IGSF11: variants seen among roughly 807,000 people sequenced by gnomAD.
IGSF11 encodes immunoglobulin superfamily member 11, also known as CXADR like 1.
In IGSF11, 22 loss-of-function variants were observed where a neutral mutation model predicts 41.0. That is an observed-to-expected ratio of 0.54 (90% confidence interval 0.38 to 0.77). The LOEUF is 0.77. Among genes scored for constraint, IGSF11 ranks in the 30% least tolerant of loss-of-function variants. The pLI, the probability that IGSF11 is intolerant of heterozygous loss-of-function variation, is 0.00. For synonymous variants in IGSF11, 219 were observed against 201.3 expected, an observed-to-expected ratio of 1.09 and a Z score of -0.74; for missense variants, 444 against 530.8, an observed-to-expected ratio of 0.84 and a Z score of 1.61.
chr3:119,099,227 C>A (rs2076903949), intron 1 of IGSF11, among the ~76,000 whole-genome samples: 1 of 152,150 alleles, frequency 6.6e-6, no homozygotes, highest in African/African-American at 2.4e-5. Context: ...TACTGAAGTT[C>A]TGCAGAGGAG....
At chr3:119,105,192 T>TTTA (rs1369036850) in exon 1 of IGSF11, 11 of 1,598,476 alleles carry the variant, frequency 6.9e-6, no homozygotes, top group Admixed American at 1.7e-5. Flanking sequence ...ACCAGAGACA[T>TTTA]TTATTCTTCT....
At chr3:119,133,678 C>T (rs976171097) in intron 1 of IGSF11, among the ~76,000 whole-genome samples, 9 of 152,142 alleles carry the variant, frequency 5.9e-5, no homozygotes, top group Non-Finnish European at 1.2e-4. Context: ...TGAAACTATT[C>T]CAATCAATAG....
chr3:119,034,488 C>T, intron 1 of IGSF11, 43 bp downstream of exon 1: 1 of 1,482,238 alleles, frequency 6.7e-7, no homozygotes, highest in Non-Finnish European at 9.0e-7. Context: ...GGCCCGCCGA[C>T]CCGGCCTGGC....
At chr3:118,984,594 C>A (rs1398886381) in intron 1 of IGSF11, among the ~76,000 whole-genome samples, 1 of 151,980 alleles carries the variant, frequency 6.6e-6, no homozygotes, top group Non-Finnish European at 1.5e-5. Flanking sequence ...GGAGCCAGAA[C>A]AGAATGGCTG....
chr3:119,092,688 C>T (rs2076784624), intron 1 of IGSF11, among the ~76,000 whole-genome samples: 1 of 152,166 alleles, frequency 6.6e-6, no homozygotes, highest in African/African-American at 2.4e-5. Context: ...CCTTCACTTT[C>T]GCTCACTACT....
intron 1 of IGSF11, among the ~76,000 whole-genome samples, chr3:119,132,248 C>T (rs2077491997): frequency 1.3e-5 from 2 of 151,856 alleles, no homozygotes; most frequent in South Asian, 4.2e-4. Flanking sequence ...TTAAAAGACA[C>T]AGACTGGCAA....
intron 1 of IGSF11, among the ~76,000 whole-genome samples, chr3:119,057,069 G>A (rs1941870522): frequency 6.6e-6 from 1 of 152,162 alleles, no homozygotes; most frequent in South Asian, 2.1e-4. Flanking sequence ...GCACAAGACA[G>A]GGAGGCCCTC....
At chr3:119,046,622 C>G (rs1230327353) in intron 1 of IGSF11, among the ~76,000 whole-genome samples, 1 of 151,892 alleles carries the variant, frequency 6.6e-6, no homozygotes, top group Non-Finnish European at 1.5e-5. Context: ...GGCCAACATT[C>G]AGATTCAGGA....
chr3:118,968,188 A>C (rs561572616), intron 1 of IGSF11, among the ~76,000 whole-genome samples: 1 of 152,340 alleles, frequency 6.6e-6, no homozygotes, highest in Non-Finnish European at 1.5e-5. Flanking sequence ...CTGCTTCTGC[A>C]AAATGGGTTT....
chr3:118,969,292 T>C (rs1330581644), intron 1 of IGSF11, among the ~76,000 whole-genome samples: 1 of 152,050 alleles, frequency 6.6e-6, no homozygotes, highest in African/African-American at 2.4e-5. Context: ...AGAAAACTGG[T>C]AAAGAGGTAG....
At chr3:119,129,370 T>A (rs1046385201) in intron 1 of IGSF11, among the ~76,000 whole-genome samples, 2 of 152,110 alleles carry the variant, frequency 1.3e-5, no homozygotes, top group Admixed American at 1.3e-4. Context: ...ATACACAGAA[T>A]ATTATAACAC....
intron 1 of IGSF11, among the ~76,000 whole-genome samples, chr3:119,050,191 C>A (rs1323795824): frequency 1.3e-5 from 2 of 151,742 alleles, no homozygotes; most frequent in Non-Finnish European, 2.9e-5. Flanking sequence ...GCAAAAGAAG[C>A]TACCATCAGA....
chr3:118,980,154 C>A (rs931033316), intron 1 of IGSF11, among the ~76,000 whole-genome samples: 6 of 152,156 alleles, frequency 3.9e-5, no homozygotes, highest in African/African-American at 1.4e-4. Flanking sequence ...ACCATACAAT[C>A]CAGCAATCCC....
chr3:119,051,806 A>C (rs1377462939), intron 1 of IGSF11, among the ~76,000 whole-genome samples: 1 of 152,188 alleles, frequency 6.6e-6, no homozygotes, highest in Non-Finnish European at 1.5e-5. Flanking sequence ...AATAAGATTG[A>C]AAATTAACTC....
At chr3:119,053,012 A>T (rs1941687014) in intron 1 of IGSF11, among the ~76,000 whole-genome samples, 1 of 152,238 alleles carries the variant, frequency 6.6e-6, no homozygotes, top group South Asian at 2.1e-4. Context: ...AATAAAAGCC[A>T]TCTGTGACAA....
At chr3:119,070,708 T>C (rs2076385618) in intron 1 of IGSF11, among the ~76,000 whole-genome samples, 1 of 152,172 alleles carries the variant, frequency 6.6e-6, no homozygotes, top group South Asian at 2.1e-4. Context: ...AATACAGATA[T>C]AGAGGCACCT....
intron 1 of IGSF11, among the ~76,000 whole-genome samples, chr3:119,128,336 T>G (rs2077431195): frequency 6.8e-6 from 1 of 146,486 alleles, no homozygotes; most frequent in Non-Finnish European, 1.5e-5. Flanking sequence ...CCAGCCTGGG[T>G]GAGAGTGAGA....
At chr3:118,987,670 A>C (rs1046529325) in intron 1 of IGSF11, among the ~76,000 whole-genome samples, 4 of 152,214 alleles carry the variant, frequency 2.6e-5, no homozygotes, top group Non-Finnish European at 5.9e-5. Context: ...AAGGAAGAAA[A>C]AATGTAGCAG....
chr3:119,043,659 C>T (rs1237346701), intron 1 of IGSF11, among the ~76,000 whole-genome samples: 1 of 152,340 alleles, frequency 6.6e-6, no homozygotes, highest in Non-Finnish European at 1.5e-5. Flanking sequence ...GTTCACAACA[C>T]ACCTCTGCCA....
Sources: gnomAD v4.1 joint callset for allele counts (sites outside exome capture counted in the v4.1 genomes callset) on GRCh38, gnomAD v4.1.1 for gene constraint, MANE v1.5 for transcripts, NCBI Gene and HGNC (gene_info 2026-07-23, HGNC 2026-07-21) for gene names.